Variants in NKAIN2 observed in about 807,000 individuals in gnomAD.
The protein encoded by NKAIN2 is sodium/potassium-transporting ATPase subunit beta-1-interacting protein 2.
NKAIN2 carries 14 observed loss-of-function variants against 32.6 expected under a neutral mutation model. That is an observed-to-expected ratio of 0.43 (90% CI 0.28 to 0.67). NKAIN2 has a LOEUF of 0.67. NKAIN2 is among the 30% of genes least tolerant of loss of function. The pLI, the probability that NKAIN2 is intolerant of heterozygous loss-of-function variation, is 0.17. For missense variants in NKAIN2, 198 were observed against 258.3 expected, an observed-to-expected ratio of 0.77 and a Z score of 1.60; for synonymous variants, 80 against 87.2, an observed-to-expected ratio of 0.92 and a Z score of 0.46.
At chr6:124,817,131 A>G (rs1347046676) in intron 5 of NKAIN2, among the ~76,000 whole-genome samples, 1 of 152,202 alleles carries the variant, frequency 6.6e-6, no homozygotes, top group Admixed American at 6.5e-5. Flanking sequence ...GAATCATTTA[A>G]GGGACACTTG....
intron 1 of NKAIN2, among the ~76,000 whole-genome samples, chr6:124,205,873 A>AT (rs2114641823): frequency 6.6e-6 from 1 of 152,030 alleles, no homozygotes; most frequent in African/African-American, 2.4e-5. Flanking sequence ...TTAGTTTCCC[A>AT]TATTTTCCAT....
intron 3 of NKAIN2, among the ~76,000 whole-genome samples, chr6:124,613,584 A>G (rs1353996660): frequency 1.3e-5 from 2 of 152,202 alleles, no homozygotes; most frequent in Non-Finnish European, 2.9e-5. Flanking sequence ...CATTTAGAAC[A>G]TAAATCAGCA....
At chr6:124,588,175 A>G (rs967947307) in intron 3 of NKAIN2, among the ~76,000 whole-genome samples, 7 of 152,210 alleles carry the variant, frequency 4.6e-5, no homozygotes, top group African/African-American at 1.7e-4. Context: ...TTATTGATGC[A>G]TAGTGCCTAA....
intron 2 of NKAIN2, among the ~76,000 whole-genome samples, chr6:124,349,088 A>T (rs1485689046): frequency 1.3e-5 from 2 of 152,140 alleles, no homozygotes; most frequent in Non-Finnish European, 2.9e-5. Context: ...TTATTGTTGT[A>T]GGAAAAAACC....
At chr6:124,319,687 T>C (rs1162676571) in intron 2 of NKAIN2, among the ~76,000 whole-genome samples, 4 of 152,144 alleles carry the variant, frequency 2.6e-5, no homozygotes, top group African/African-American at 7.2e-5. Context: ...AAAATAAATA[T>C]GTCCATTCAT....
At chr6:123,930,675 C>A (rs1776213768) in intron 1 of NKAIN2, among the ~76,000 whole-genome samples, 1 of 152,142 alleles carries the variant, frequency 6.6e-6, no homozygotes, top group Admixed American at 6.6e-5. Flanking sequence ...AGAGAGGAAT[C>A]TTCCCCTGAT....
intron 2 of NKAIN2, among the ~76,000 whole-genome samples, chr6:124,284,508 T>A (rs72963803): frequency 6.6e-6 from 1 of 152,210 alleles, no homozygotes; most frequent in Non-Finnish European, 1.5e-5. Context: ...AACTTACCAT[T>A]CTTTTTTTAT....
intron 3 of NKAIN2, among the ~76,000 whole-genome samples, chr6:124,408,900 A>G (rs575070279): frequency 6.6e-6 from 1 of 152,238 alleles, no homozygotes; most frequent in Non-Finnish European, 1.5e-5. Context: ...TTCTCCTTGA[A>G]GTGGTCTTTC....
chr6:124,038,332 A>G (rs1455293943), intron 1 of NKAIN2, among the ~76,000 whole-genome samples: 2 of 151,658 alleles, frequency 1.3e-5, no homozygotes, highest in Non-Finnish European at 2.9e-5. Context: ...CTCCTGCCTC[A>G]GCCTCCTGCG....
At position 124,735,880 on chromosome 6, in the gene NKAIN2, C is replaced by T. The variant is rs938767098; in HGVS notation, c.475-55459C>T. Among the ~76,000 whole-genome samples the T allele has an allele frequency of 5.9e-5, 9 of 151,914 alleles. 2 individuals carry two copies. Among genetic ancestry groups the T allele is most frequent in the Admixed American group, 5.9e-4 (9 of 15,208 alleles). ...CTTCCAGCCTCCCTATTCTTTCATA[C>T]ACAACAATATTGAAATTAGGCCAAT... On this transcript the variant is annotated intron_variant, in intron 4 of 6. Transcript: ENST00000368417.
chr6:124,517,664 G>C (rs1262024634), intron 3 of NKAIN2, among the ~76,000 whole-genome samples: 1 of 152,048 alleles, frequency 6.6e-6, no homozygotes, highest in Non-Finnish European at 1.5e-5. Context: ...ACCAAAATAA[G>C]TTATAACCGT....
chr6:124,753,184 T>C (rs971738044), intron 4 of NKAIN2, among the ~76,000 whole-genome samples: 2 of 152,146 alleles, frequency 1.3e-5, no homozygotes, highest in Non-Finnish European at 2.9e-5. Flanking sequence ...TTAGTGATTG[T>C]ACCAAAATGG....
intron 1 of NKAIN2, among the ~76,000 whole-genome samples, chr6:124,051,664 A>G (rs564808907): frequency 2.0e-5 from 3 of 151,802 alleles, no homozygotes; most frequent in East Asian, 1.9e-4. Context: ...TTAAATTATC[A>G]TAGGGAAGGA....
At chr6:124,752,957 T>G (rs1382775941) in intron 4 of NKAIN2, among the ~76,000 whole-genome samples, 1 of 152,108 alleles carries the variant, frequency 6.6e-6, no homozygotes, top group Non-Finnish European at 1.5e-5. Context: ...TCCCTCTCTT[T>G]CTTGTCCTCT....
intron 2 of NKAIN2, among the ~76,000 whole-genome samples, chr6:124,341,951 G>T (rs1278958829): frequency 6.6e-6 from 1 of 152,146 alleles, no homozygotes; most frequent in African/African-American, 2.4e-5. Flanking sequence ...AATAGGAAAA[G>T]AATAAGACCA....
intron 1 of NKAIN2, among the ~76,000 whole-genome samples, chr6:124,213,002 C>G (rs541581609): frequency 6.6e-6 from 1 of 152,094 alleles, no homozygotes; most frequent in Admixed American, 6.6e-5. Flanking sequence ...TTGCATATTT[C>G]TTTGCTTTTA....
intron 3 of NKAIN2, among the ~76,000 whole-genome samples, chr6:124,508,480 G>A (rs1481065271): frequency 1.4e-5 from 2 of 146,928 alleles, no homozygotes. Flanking sequence ...TAGTAGCTGG[G>A]ACTACAGGCG....
At chr6:124,343,876 T>C (rs1798268058) in intron 2 of NKAIN2, among the ~76,000 whole-genome samples, 2 of 135,568 alleles carry the variant, frequency 1.5e-5, no homozygotes, top group Admixed American at 1.5e-4. Flanking sequence ...TTGCCATTGC[T>C]TTTGGTGTTT....
chr6:124,812,630 A>T (rs1780955065), intron 5 of NKAIN2, among the ~76,000 whole-genome samples: 2 of 152,106 alleles, frequency 1.3e-5, no homozygotes, highest in South Asian at 4.1e-4. Flanking sequence ...CACTAATTAG[A>T]GTTACATTTC....
Sources: gnomAD v4.1 joint callset for allele counts (sites outside exome capture counted in the v4.1 genomes callset) on GRCh38, gnomAD v4.1.1 for gene constraint, MANE v1.5 for transcripts, NCBI Gene and HGNC (gene_info 2026-07-23, HGNC 2026-07-21) for gene names.